CSMD1: variants seen among roughly 807,000 people sequenced by gnomAD.
The protein encoded by CSMD1 is CUB and Sushi multiple domains 1.
A neutral mutation model predicts 417.5 loss-of-function variants in CSMD1; 213 were observed. The observed-to-expected ratio is 0.51, with a 90% CI of 0.46 to 0.57. CSMD1 has a LOEUF of 0.57. CSMD1 is among the 20% of genes least tolerant of loss of function. The pLI is 0.00. For synonymous variants in CSMD1, 2,862 were observed against 1,736.8 expected (o/e 1.65, Z -16.11); for missense variants, 6,923 against 4,529.7 (o/e 1.53, Z -15.17).
Position 4,263,552 on chromosome 8 carries a change from T to C in CSMD1, c.415+156401A>G, listed in dbSNP as rs559354289. On this transcript the variant is annotated intron_variant, in intron 3 of 69. Coordinates refer to ENST00000635120, the MANE Select transcript of CSMD1 (RefSeq NM_033225.6). Reference sequence around the variant, plus strand: ...TTGATATTAGCTACTTTGATGTCTTTCTTGGAAAGTCATAATCAACAATCA... The same window carrying C: ...TTGATATTAGCTACTTTGATGTCTTCCTTGGAAAGTCATAATCAACAATCA... Among the ~76,000 whole-genome samples, 5 of 152,288 alleles carry C rather than the reference T, an allele frequency of 3.3e-5. No homozygotes were observed. The East Asian group carries it at 9.6e-4, about 29-fold the overall frequency.
chr8:3,752,809 T>G (rs952316771), intron 6 of CSMD1, among the ~76,000 whole-genome samples: 1 of 152,086 alleles, frequency 6.6e-6, no homozygotes, highest in South Asian at 2.1e-4. Context: ...CTGGTTCCGA[T>G]GTGTACTTCT....
chr8:2,947,304 T>G (rs1802313914), intron 68 of CSMD1, among the ~76,000 whole-genome samples: 3 of 152,220 alleles, frequency 2.0e-5, no homozygotes, highest in African/African-American at 7.2e-5. Flanking sequence ...TCACGTTTTT[T>G]GGTTTATCTA....
chr8:4,513,809 G>A (rs978820150), intron 2 of CSMD1, among the ~76,000 whole-genome samples: 2 of 152,172 alleles, frequency 1.3e-5, no homozygotes, highest in African/African-American at 4.8e-5. Context: ...TATTACTTAA[G>A]CTACGCTTTC....
chr8:3,402,799 G>C (rs948006463), intron 15 of CSMD1, among the ~76,000 whole-genome samples: 3 of 151,794 alleles, frequency 2.0e-5, no homozygotes, highest in Non-Finnish European at 4.4e-5. Flanking sequence ...TATAACACTT[G>C]AATTTTATTA....
intron 45 of CSMD1, 107 bp from the exon 46 acceptor site, chr8:3,106,748 C>A (rs1441981285): frequency 1.8e-5 from 10 of 559,068 alleles, no homozygotes; most frequent in African/African-American, 1.7e-4. Context: ...ACTTGCAAAT[C>A]TTTTTAGAAA....
chr8:3,905,277 G>A (rs1324731091), intron 5 of CSMD1, among the ~76,000 whole-genome samples: 1 of 152,122 alleles, frequency 6.6e-6, no homozygotes, highest in Non-Finnish European at 1.5e-5. Flanking sequence ...AAGAGTTAGG[G>A]AAAATATTCA....
intron 3 of CSMD1, among the ~76,000 whole-genome samples, chr8:4,221,176 G>C (rs1394959028): frequency 2.0e-5 from 3 of 152,174 alleles, no homozygotes; most frequent in African/African-American, 7.2e-5. Flanking sequence ...CCGTGATTCT[G>C]CATTTCAATC....
At chr8:3,513,944 G>C (rs1797182808) in intron 10 of CSMD1, among the ~76,000 whole-genome samples, 1 of 152,238 alleles carries the variant, frequency 6.6e-6, no homozygotes, top group Non-Finnish European at 1.5e-5. Flanking sequence ...TTAGAAGTGA[G>C]AGTAGGTACT....
At chr8:4,066,344 C>CA (rs1433226612) in intron 3 of CSMD1, among the ~76,000 whole-genome samples, 1 of 152,186 alleles carries the variant, frequency 6.6e-6, no homozygotes, top group East Asian at 1.9e-4. Context: ...CCCGTTCTGT[C>CA]ATTGTATGTG....
At chr8:4,269,777 A>G (rs931881036) in intron 3 of CSMD1, among the ~76,000 whole-genome samples, 31 of 152,252 alleles carry the variant, frequency 2.0e-4, no homozygotes, top group African/African-American at 7.5e-4. Flanking sequence ...ATAAAAAAGC[A>G]TGAAAATTAT....
rs188292054 is a variant in CSMD1, at chr8:3,973,720, G to A, written c.818+24183C>T. ...ATGCAAGACCTTTATCACTTTGCAA[G>A]AACAGTGGCTATTTCATTGATACAC... On this transcript the variant is annotated intron_variant, in intron 5 of 69. Coordinates refer to ENST00000635120, the MANE Select transcript of CSMD1 (RefSeq NM_033225.6). Among the ~76,000 whole-genome samples the A allele has an allele frequency of 1.5e-4, 23 of 152,310 alleles. No individual in the cohort carries two copies. In the South Asian group the frequency reaches 4.4e-3, roughly 29 times the overall value.
intron 5 of CSMD1, among the ~76,000 whole-genome samples, chr8:3,977,898 C>A (rs1377500304): frequency 6.6e-6 from 1 of 152,188 alleles, no homozygotes; most frequent in Non-Finnish European, 1.5e-5. Flanking sequence ...AGAATGGTAA[C>A]TGACCTCCAA....
At chr8:4,759,181 G>C (rs903911121) in intron 1 of CSMD1, among the ~76,000 whole-genome samples, 7 of 152,170 alleles carry the variant, frequency 4.6e-5, no homozygotes, top group African/African-American at 7.2e-5. Flanking sequence ...TATAATTCTT[G>C]TTAGTGTTGT....
At chr8:4,252,300 C>G (rs1047658017) in intron 3 of CSMD1, among the ~76,000 whole-genome samples, 62 of 152,192 alleles carry the variant, frequency 4.1e-4, no homozygotes, top group African/African-American at 1.4e-3. Context: ...CATGCACACT[C>G]CAACATTTGT....
At chr8:4,819,516 G>C (rs559131134) in intron 1 of CSMD1, among the ~76,000 whole-genome samples, 1 of 152,166 alleles carries the variant, frequency 6.6e-6, no homozygotes, top group African/African-American at 2.4e-5. Context: ...TATTAATTCT[G>C]ATTTTATTTT....
intron 1 of CSMD1, among the ~76,000 whole-genome samples, chr8:4,985,197 C>A (rs1411509351): frequency 6.6e-6 from 1 of 152,008 alleles, no homozygotes; most frequent in African/African-American, 2.4e-5. Flanking sequence ...ACAACACACA[C>A]CGGGGCCTGT....
At chr8:3,626,242 G>A (rs80342538) in intron 7 of CSMD1, among the ~76,000 whole-genome samples, 135 of 152,262 alleles carry the variant, frequency 8.9e-4, no homozygotes, top group African/African-American at 3.2e-3. Context: ...GGAGGACTTA[G>A]GGCCTGTCAT....
intron 21 of CSMD1, among the ~76,000 whole-genome samples, chr8:3,350,731 T>C (rs1376427565): frequency 2.6e-5 from 4 of 152,144 alleles, no homozygotes; most frequent in Non-Finnish European, 5.9e-5. Flanking sequence ...TTTCTCATAA[T>C]ACATAAAAAA....
At chr8:3,687,568 C>G (rs773750588) in intron 7 of CSMD1, among the ~76,000 whole-genome samples, 8 of 152,168 alleles carry the variant, frequency 5.3e-5, no homozygotes, top group Non-Finnish European at 1.0e-4. Flanking sequence ...TATTTTTCTT[C>G]CAGTTTCAAT....
Sources: allele counts gnomAD v4.1 joint callset (sites outside exome capture counted in the v4.1 genomes callset), GRCh38; gene constraint gnomAD v4.1.1; transcripts MANE v1.5; gene names NCBI Gene and HGNC (gene_info 2026-07-23, HGNC 2026-07-21).